Variants in LMO7 observed in about 807,000 individuals in gnomAD.
LMO7 encodes LIM domain 7, also known as LIM domain only protein 7.
LMO7 carries 120 observed loss-of-function variants against 206.5 expected under a neutral mutation model. That is an observed-to-expected ratio of 0.58 (90% CI 0.50 to 0.68). The LOEUF (loss-of-function observed/expected upper bound fraction) is 0.68, where lower values mean the gene tolerates loss of function less well. Among genes scored for constraint, LMO7 ranks in the 30% least tolerant of loss-of-function variants. The probability of loss-of-function intolerance (pLI) is 0.00; values close to 1 mark genes in which losing one functional copy is unlikely to be tolerated. For synonymous variants in LMO7, 706 were observed against 681.5 expected (o/e 1.04, Z -0.56); for missense variants, 1,959 against 1,957.9 (o/e 1.00, Z -0.01).
At chr13:75,706,934 C>T (rs1415091401) in intron 1 of LMO7, among the ~76,000 whole-genome samples, 4 of 151,794 alleles carry the variant, frequency 2.6e-5, no homozygotes, top group Admixed American at 1.3e-4. Flanking sequence ...TTCTGAGCCT[C>T]GAATTTCATA....
At chr13:75,621,695 T>C in exon 1 of LMO7, 1 of 1,576,666 alleles carries the variant, frequency 6.3e-7, no homozygotes, top group Non-Finnish European at 8.6e-7. Flanking sequence ...ACAACTGCTA[T>C]GAAGAAAATT....
At chr13:75,845,283 T>G in intron 25 of LMO7, 44 bp from the exon 26 acceptor site, 1 of 909,984 alleles carries the variant, frequency 1.1e-6, no homozygotes, top group Non-Finnish European at 1.6e-6. Flanking sequence ...ATAAAGGAGG[T>G]TATTTAATGA....
chr13:75,768,206 G>A (rs1234220486), intron 4 of LMO7, among the ~76,000 whole-genome samples: 1 of 152,012 alleles, frequency 6.6e-6, no homozygotes, highest in Non-Finnish European at 1.5e-5. Flanking sequence ...AAAACACAGA[G>A]GAAAAAATCT....
intron 1 of LMO7, among the ~76,000 whole-genome samples, chr13:75,653,764 G>A (rs1180233404): frequency 6.6e-6 from 1 of 152,116 alleles, no homozygotes; most frequent in Non-Finnish European, 1.5e-5. Flanking sequence ...CCAGTAAATT[G>A]TTTTCTGTTA....
rs528881685 is a variant in LMO7, at chr13:75,746,269, A to AAT, written c.211-14651_211-14650dup. Among the ~76,000 whole-genome samples the AAT allele has an allele frequency of 1.4e-3, 210 of 151,920 alleles. 1 individual carries two copies. Among genetic ancestry groups the AAT allele is most frequent in the African/African-American group, 4.8e-3 (199 of 41,468 alleles). Reference sequence around the variant, plus strand: ...AGTTGCAGAAGATCACAAATTGGTAAATATATATATATAAAAGAGTGATGT... The same window carrying AAT: ...AGTTGCAGAAGATCACAAATTGGTAAATATATATATATATAAAAGAGTGATGT... On this transcript the variant is annotated intron_variant, in intron 3 of 30. Transcript: ENST00000377534.
chr13:75,741,971 G>A (rs2046448862), intron 3 of LMO7, among the ~76,000 whole-genome samples: 1 of 152,154 alleles, frequency 6.6e-6, no homozygotes, highest in African/African-American at 2.4e-5. Context: ...TCTATAACTA[G>A]AAAACTGCAT....
chr13:75,752,300 T>G (rs915234635), intron 3 of LMO7, among the ~76,000 whole-genome samples: 1 of 151,866 alleles, frequency 6.6e-6, no homozygotes, highest in Admixed American at 6.6e-5. Context: ...CCAGCTAATT[T>G]TTGTATTTTT....
chr13:75,743,459 T>G (rs188114639), intron 3 of LMO7, among the ~76,000 whole-genome samples: 38 of 152,202 alleles, frequency 2.5e-4, no homozygotes, highest in African/African-American at 8.9e-4. Context: ...TAAATGACCA[T>G]CAATGGTAGA....
chr13:75,796,641 G>C lies in LMO7; in HGVS notation c.354G>C (p.Leu118Phe). The part of the protein sequence containing the change: ...EETDRRVKNV[L>F]ITLYWLGRKA... ...TGGATTTTTTTTTTTTTAAGGTTTT[G>C]ATAACATTGTACTGGCTGGGAAGAA... Residue 118 changes from leucine (L) to phenylalanine (F), a missense_variant, in exon 6 of 31, where the codon TTG (leucine) becomes TTC (phenylalanine). Coordinates refer to ENST00000377534, the MANE Select transcript of LMO7 (RefSeq NM_001306080.2). 1.3e-6 allele frequency: 2 copies of C among 1,577,770 alleles called. No individual in the cohort carries two copies. The highest frequency in any genetic ancestry group is 1.7e-6 in the Non-Finnish European group (2 of 1,154,786).
chr13:75,859,682 T>C lies in LMO7; in HGVS notation c.*1739T>C, dbSNP rs1003846639. The stretch of plus-strand genomic sequence containing the variant: ...TATGCATTTTAAGACACTCATAGTA[T>C]ATATTGCCAAAGTGGTTTCCAGAAA... On this transcript the variant is annotated 3_prime_UTR_variant, in exon 31 of 31. Transcript: ENST00000377534. The C allele has an allele frequency of 2.6e-5, 4 of 152,344 alleles. No individual in the cohort carries two copies. Among genetic ancestry groups the C allele is most frequent in the African/African-American group, 9.6e-5 (4 of 41,580 alleles). 9.4% of individuals were successfully genotyped at this position (152,344 alleles called of 1,614,324 possible).
At chr13:75,747,756 G>T (rs898672662) in intron 3 of LMO7, among the ~76,000 whole-genome samples, 2 of 152,182 alleles carry the variant, frequency 1.3e-5, no homozygotes, top group African/African-American at 4.8e-5. Context: ...TAGTGAATAT[G>T]TTACAAGGCA....
chr13:75,811,261 TCTTGAG>T (rs1419242841), intron 11 of LMO7, among the ~76,000 whole-genome samples: 1 of 149,396 alleles, frequency 6.7e-6, no homozygotes, highest in African/African-American at 2.5e-5. Context: ...CCCAGGCTGG[TCTTGAG>T]CTCCTGGGCC....
At chr13:75,849,487 G>GTTT (rs535615164) in intron 27 of LMO7, among the ~76,000 whole-genome samples, 195 bp downstream of exon 27, 1 of 141,986 alleles carries the variant, frequency 7.0e-6, no homozygotes, top group Non-Finnish European at 1.5e-5. Flanking sequence ...AATTCTGGCT[G>GTTT]TTTTTTTTTT....
At chr13:75,708,971 CG>C (rs1278081358) in intron 1 of LMO7, among the ~76,000 whole-genome samples, 3 of 151,980 alleles carry the variant, frequency 2.0e-5, no homozygotes, top group Non-Finnish European at 4.4e-5. Flanking sequence ...CAACAGGCCC[CG>C]GTGTGTGATG....
At chr13:75,692,849 T>C (rs571904223) in intron 1 of LMO7, among the ~76,000 whole-genome samples, 1 of 152,332 alleles carries the variant, frequency 6.6e-6, no homozygotes, top group South Asian at 2.1e-4. Flanking sequence ...AAGGAGATAA[T>C]ACTGGTGCCC....
chr13:75,823,953 A>G (rs7982790), intron 15 of LMO7, 80 bp downstream of exon 15: 2 of 1,176,016 alleles, frequency 1.7e-6, no homozygotes, highest in Non-Finnish European at 2.5e-6. Flanking sequence ...TCAAATGTCA[A>G]ACCTCTAGGT....
intron 28 of LMO7, chr13:75,854,949 G>A (rs1376168384): frequency 4.9e-6 from 1 of 204,102 alleles, no homozygotes; most frequent in Non-Finnish European, 9.9e-6. Context: ...TGAGATGAGG[G>A]GCGACTATTG....
At chr13:75,771,579 C>CAGAATTTTTAAAGACTTTAAAAAG (rs2049721494) in intron 4 of LMO7, among the ~76,000 whole-genome samples, 1 of 152,092 alleles carries the variant, frequency 6.6e-6, no homozygotes, top group Non-Finnish European at 1.5e-5. Flanking sequence ...ACTTTAAAAA[C>CAGAATTTTTAAAGACTTTAAAAAG]AGAATTAGTA....
intron 1 of LMO7, among the ~76,000 whole-genome samples, chr13:75,645,393 A>C (rs1272433846): frequency 6.6e-6 from 1 of 152,192 alleles, no homozygotes; most frequent in Non-Finnish European, 1.5e-5. Context: ...AAAGGAAGGG[A>C]GGTCATTGCC....
Sources: allele counts gnomAD v4.1 joint callset (sites outside exome capture counted in the v4.1 genomes callset), GRCh38; gene constraint gnomAD v4.1.1; transcripts MANE v1.5; gene names NCBI Gene and HGNC (gene_info 2026-07-23, HGNC 2026-07-21).